Variants in ANKFN1 observed in about 807,000 individuals in gnomAD.
The protein encoded by ANKFN1 is ankyrin repeat and fibronectin type III domain containing 1.
In ANKFN1, 74 loss-of-function variants were observed where a neutral mutation model predicts 108.7. That is an observed-to-expected ratio of 0.68 (90% CI 0.56 to 0.83). The LOEUF (loss-of-function observed/expected upper bound fraction) is 0.83, where lower values mean the gene tolerates loss of function less well. Ranked by LOEUF, ANKFN1 falls within the 40% of genes least tolerant of loss-of-function variation. The probability of loss-of-function intolerance (pLI) is 0.00; values close to 1 mark genes in which losing one functional copy is unlikely to be tolerated. For synonymous variants in ANKFN1, 547 were observed against 516.2 expected, an observed-to-expected ratio of 1.06 and a Z score of -0.81; for missense variants, 1,505 against 1,382.3, an observed-to-expected ratio of 1.09 and a Z score of -1.41.
intron 8 of ANKFN1, among the ~76,000 whole-genome samples, chr17:56,426,660 C>T (rs185503217): frequency 6.6e-6 from 1 of 152,334 alleles, no homozygotes; most frequent in African/African-American, 2.4e-5. Context: ...CCTTCAAATA[C>T]CCCTTGCTAG....
intron 4 of ANKFN1, among the ~76,000 whole-genome samples, chr17:56,339,712 G>A (rs2045911972): frequency 6.6e-6 from 1 of 152,096 alleles, no homozygotes. Context: ...ATCATTGATG[G>A]ACATTTAGGT....
intron 8 of ANKFN1, among the ~76,000 whole-genome samples, chr17:56,413,111 A>T (rs2048144118): frequency 6.6e-6 from 1 of 151,890 alleles, no homozygotes; most frequent in Non-Finnish European, 1.5e-5. Context: ...TGTTAATTTG[A>T]GATCTTCATT....
At chr17:56,246,384 A>G (rs1393755617) in intron 3 of ANKFN1, among the ~76,000 whole-genome samples, 2 of 152,140 alleles carry the variant, frequency 1.3e-5, no homozygotes, top group Non-Finnish European at 2.9e-5. Flanking sequence ...AGAAAATAAT[A>G]TGTTCAAAGA....
chr17:56,280,843 C>A (rs2044061621), intron 3 of ANKFN1, among the ~76,000 whole-genome samples: 1 of 152,170 alleles, frequency 6.6e-6, no homozygotes. Context: ...CAAATCTCAT[C>A]TTGAATTCCC....
At chr17:56,373,473 C>T (rs1414829990) in intron 7 of ANKFN1, among the ~76,000 whole-genome samples, 1 of 152,166 alleles carries the variant, frequency 6.6e-6, no homozygotes, top group Admixed American at 6.5e-5. Flanking sequence ...AAAATTCAAA[C>T]ACTTGTGAAA....
chr17:56,257,185 G>T (rs1361963265), intron 3 of ANKFN1, among the ~76,000 whole-genome samples: 1 of 152,156 alleles, frequency 6.6e-6, no homozygotes, highest in Admixed American at 6.5e-5. Context: ...TTATGTCAAT[G>T]GTGGTGGTGA....
chr17:56,267,847 T>C (rs1178090342), intron 3 of ANKFN1, among the ~76,000 whole-genome samples: 1 of 152,232 alleles, frequency 6.6e-6, no homozygotes, highest in Non-Finnish European at 1.5e-5. Flanking sequence ...GGCTTTGTTT[T>C]TTTCACTTAG....
intron 18 of ANKFN1, among the ~76,000 whole-genome samples, chr17:56,484,431 A>AT (rs1486529218): frequency 2.0e-5 from 3 of 152,266 alleles, no homozygotes; most frequent in Non-Finnish European, 4.4e-5. Flanking sequence ...TAACTATTTA[A>AT]ATGAGAAAGG....
chr17:56,505,494 A>C (rs1023538387), intron 20 of ANKFN1, among the ~76,000 whole-genome samples: 1 of 152,216 alleles, frequency 6.6e-6, no homozygotes, highest in Non-Finnish European at 1.5e-5. Flanking sequence ...AAGATTCTAC[A>C]CATCCCTTTG....
chr17:56,374,618 A>G lies in ANKFN1; in HGVS notation c.814A>G (p.Thr272Ala), dbSNP rs754503616. The change falls in exon 8 of 21, where the codon ACC (threonine) becomes GCC (alanine). Residue 272 changes from threonine to alanine, a missense_variant. Transcript: ENST00000682825. ...FEHARAPEMP[T>A]NVCLMVTSST... The stretch of plus-strand genomic sequence containing the variant: ...TGTCCCAGGAGCCCCTGAGATGCCA[A>G]CCAATGTCTGTCTCATGGTAACCAG... 2.5e-6 allele frequency: 4 copies of G among 1,613,724 alleles called. No individual in the cohort carries two copies. Among genetic ancestry groups the G allele is most frequent in the Middle Eastern group, 1.6e-4 (1 of 6,080 alleles).
chr17:56,098,950 G>C (rs1208943441), intron 4 of ANKFN1, among the ~76,000 whole-genome samples: 2 of 152,144 alleles, frequency 1.3e-5, no homozygotes, highest in African/African-American at 4.8e-5. Context: ...AAGCTCAGAT[G>C]CCCTGAGGTT....
intron 4 of ANKFN1, among the ~76,000 whole-genome samples, chr17:56,139,937 A>G (rs965524710): frequency 6.6e-6 from 1 of 152,220 alleles, no homozygotes; most frequent in African/African-American, 2.4e-5. Context: ...AACAAAGTTC[A>G]GTCCTTAACC....
At chr17:56,111,674 C>T (rs1299036006) in intron 4 of ANKFN1, among the ~76,000 whole-genome samples, 2 of 152,102 alleles carry the variant, frequency 1.3e-5, no homozygotes, top group Middle Eastern at 3.4e-3. Flanking sequence ...TGTTAAATTA[C>T]CTGTTTGGGG....
chr17:56,120,599 G>A (rs1283791023), intron 4 of ANKFN1, among the ~76,000 whole-genome samples: 1 of 152,066 alleles, frequency 6.6e-6, no homozygotes, highest in Non-Finnish European at 1.5e-5. Flanking sequence ...GACAAAGCTT[G>A]GACAAGCATG....
chr17:56,381,646 C>T (rs2047108251), intron 8 of ANKFN1, among the ~76,000 whole-genome samples: 1 of 152,130 alleles, frequency 6.6e-6, no homozygotes, highest in African/African-American at 2.4e-5. Context: ...AATGCAGAAG[C>T]CTCAGGAGCC....
At chr17:56,052,924 C>G (rs980261638) in intron 4 of ANKFN1, among the ~76,000 whole-genome samples, 1 of 152,174 alleles carries the variant, frequency 6.6e-6, no homozygotes, top group Admixed American at 6.6e-5. Context: ...CCCAAACAGT[C>G]TAGCTCCAGA....
chr17:56,373,448 AC>A (rs1297480278), intron 7 of ANKFN1, among the ~76,000 whole-genome samples: 1 of 152,240 alleles, frequency 6.6e-6, no homozygotes. Context: ...AGCTCCTGAT[AC>A]AAAAACAAAA....
chr17:56,211,861 T>A (rs770464820), intron 1 of ANKFN1, among the ~76,000 whole-genome samples: 37 of 152,184 alleles, frequency 2.4e-4, no homozygotes, highest in Non-Finnish European at 5.1e-4. Context: ...TTTTTGCAGC[T>A]ATTATAAAAG....
intron 3 of ANKFN1, among the ~76,000 whole-genome samples, chr17:56,264,129 C>T (rs757197067): frequency 2.0e-5 from 3 of 152,132 alleles, no homozygotes; most frequent in Non-Finnish European, 2.9e-5. Flanking sequence ...CAGAAAGATG[C>T]CATGGAACTC....
Sources: allele counts gnomAD v4.1 joint callset (sites outside exome capture counted in the v4.1 genomes callset), GRCh38; gene constraint gnomAD v4.1.1; transcripts MANE v1.5; gene names NCBI Gene and HGNC (gene_info 2026-07-23, HGNC 2026-07-21).